Variants in SPAG1 observed in about 807,000 individuals in gnomAD.
The protein encoded by SPAG1 is sperm-associated antigen 1.
In SPAG1, 69 loss-of-function variants were observed where a neutral mutation model predicts 100.5. The observed-to-expected ratio is 0.69, with a 90% CI of 0.57 to 0.84. The LOEUF (loss-of-function observed/expected upper bound fraction) is 0.84, where lower values mean the gene tolerates loss of function less well. SPAG1 is among the 40% of genes least tolerant of loss of function. The probability of loss-of-function intolerance (pLI) is 0.00; values close to 1 mark genes in which losing one functional copy is unlikely to be tolerated. For missense variants in SPAG1, 955 were observed against 1,133.1 expected (o/e 0.84, Z 2.26); for synonymous variants, 336 against 411.6 (o/e 0.82, Z 2.22).
At chr8:100,194,938 G>C (rs928811876) in intron 10 of SPAG1, among the ~76,000 whole-genome samples, 1 of 152,056 alleles carries the variant, frequency 6.6e-6, no homozygotes, top group South Asian at 2.1e-4. Context: ...AGGCCGAGGC[G>C]GGTGCATCAT....
chr8:100,183,078 A>G lies in SPAG1; in HGVS notation c.427-297A>G, dbSNP rs28683691. Among the ~76,000 whole-genome samples the G allele has an allele frequency of 0.033, 5,053 of 152,118 alleles. 284 individuals are homozygous for G. The highest frequency in any genetic ancestry group is 0.12 in the African/African-American group (4,770 of 41,464). On this transcript the variant is annotated intron_variant, in intron 4 of 18. Coordinates refer to ENST00000388798, the MANE Select transcript of SPAG1 (RefSeq NM_003114.5). ...AACCTCCACCTCCCAGGTTCAAGCA[A>G]TTCTCATGCTTCAACCTCCAAGTAC...
intron 11 of SPAG1, 69 bp downstream of exon 11, chr8:100,213,497 C>A: frequency 2.5e-6 from 3 of 1,223,666 alleles, no homozygotes; most frequent in South Asian, 2.1e-5. Context: ...CCGGGGCCCC[C>A]GTGGGAGAGG....
At chr8:100,171,143 T>C (rs1159338643) in intron 3 of SPAG1, among the ~76,000 whole-genome samples, 4 of 152,188 alleles carry the variant, frequency 2.6e-5, no homozygotes, top group Non-Finnish European at 5.9e-5. Flanking sequence ...AGGTAAATTA[T>C]GTAGATTGTT....
chr8:100,194,436 G>A (rs1239227888), intron 10 of SPAG1, 168 bp downstream of exon 10: 16 of 924,002 alleles, frequency 1.7e-5, no homozygotes, highest in Non-Finnish European at 2.6e-5. Flanking sequence ...CAGCTTGGTA[G>A]AATCTCTCAA....
At chr8:100,230,983 T>C (rs969584771) in intron 14 of SPAG1, among the ~76,000 whole-genome samples, 173 bp from the exon 15 acceptor site, 20 of 152,176 alleles carry the variant, frequency 1.3e-4, no homozygotes, top group African/African-American at 4.6e-4. Flanking sequence ...TTTTTACTTA[T>C]AGCCTATTTG....
chr8:100,183,489 A>G, intron 5 of SPAG1, 53 bp downstream of exon 5: 1 of 793,340 alleles, frequency 1.3e-6, no homozygotes, highest in Non-Finnish European at 2.1e-6. Flanking sequence ...GTTATCTACC[A>G]CAAAATACTG....
At chr8:100,222,297 T>G (rs1262580002) in intron 13 of SPAG1, among the ~76,000 whole-genome samples, 1 of 152,156 alleles carries the variant, frequency 6.6e-6, no homozygotes, top group Admixed American at 6.5e-5. Context: ...TTACCCAGCT[T>G]CTATATTGTT....
chr8:100,213,746 C>A, intron 11 of SPAG1, 73 bp from the exon 12 acceptor site: 1 of 956,838 alleles, frequency 1.0e-6, no homozygotes, highest in Non-Finnish European at 1.7e-6. Flanking sequence ...GAGACCTCGG[C>A]CGTCTTGTAA....
rs748311204 is a variant in SPAG1, at chr8:100,165,950, G to GA, written c.283dup (p.Ile95AsnfsTer2). The GA allele has an allele frequency of 3.1e-6, 5 of 1,612,720 alleles. No individual in the cohort carries two copies. The highest frequency in any genetic ancestry group is 4.2e-6 in the Non-Finnish European group (5 of 1,179,592). ...AGCCAGTTTTACAGCTGAAGAATGG[G>GA]AAAAAATTGATGGTGATATAAAGGT... On this transcript the variant is annotated frameshift_variant, in exon 3 of 19. Transcript: ENST00000388798. LOFTEE classifies it high-confidence loss of function.
chr8:100,162,622 T>A (rs1487515199), intron 2 of SPAG1, among the ~76,000 whole-genome samples: 1 of 152,180 alleles, frequency 6.6e-6, no homozygotes, highest in South Asian at 2.1e-4. Context: ...CTAATTAATA[T>A]CCAGGAGGGT....
rs755088480 is a variant in SPAG1 at position 100,184,673 on chromosome 8, A to G, written c.641A>G (p.Glu214Gly). ...EKDFLATREK[E>G]KGNEAFNSGD... is the part of the protein sequence containing the mutation. ...GATTTTCTTGCCACTCGTGAAAAGG[A>G]GAAAGGAAATGAAGCTTTCAACTCA... The change falls in exon 7 of 19, where the codon GAG becomes GGG. Residue 214 changes from glutamate to glycine, a missense_variant. Coordinates refer to ENST00000388798, the MANE Select transcript of SPAG1 (RefSeq NM_003114.5). 2 of 1,585,752 alleles carry G rather than the reference A, an allele frequency of 1.3e-6. No homozygotes were observed. The highest frequency in any genetic ancestry group is 2.3e-5 in the South Asian group (2 of 85,580).
Position 100,240,987 on chromosome 8 carries a change from G to T in SPAG1, c.2746G>T (p.Asp916Tyr). 1 of 1,612,566 alleles carries T rather than the reference G, an allele frequency of 6.2e-7. No individual in the cohort carries two copies. The highest frequency in any genetic ancestry group is 1.1e-5 in the South Asian group (1 of 90,912). Residue 916 changes from aspartate to tyrosine, a missense_variant, in exon 19 of 19, where the codon GAT (aspartate) becomes TAT (tyrosine). By Grantham distance (160) the Asp-to-Tyr change is radical (BLOSUM62 -3). Transcript: ENST00000388798. Reference protein sequence around the residue: ...DTPNNHFTLEDIQALKRQYEL With the variant: ...DTPNNHFTLEYIQALKRQYEL ...ACCAAACAACCATTTTACTTTAGAA[G>T]ATATACAGGCCCTAAAAAGGCAGTA... is the stretch of plus-strand genomic sequence containing the variant.
chr8:100,169,711 C>T (rs1258266831), intron 3 of SPAG1, among the ~76,000 whole-genome samples: 8 of 152,148 alleles, frequency 5.3e-5, no homozygotes, highest in Admixed American at 5.2e-4. Context: ...GAACTCCAGT[C>T]TGGATGACAG....
intron 17 of SPAG1, 121 bp from the exon 18 acceptor site, chr8:100,240,282 T>G: frequency 1.2e-6 from 1 of 845,186 alleles, no homozygotes; most frequent in Non-Finnish European, 1.7e-6. Context: ...AGTTTTCACT[T>G]GGAACTGGAC....
At chr8:100,173,453 C>G (rs769344699) in intron 3 of SPAG1, among the ~76,000 whole-genome samples, 4 of 152,040 alleles carry the variant, frequency 2.6e-5, no homozygotes, top group Non-Finnish European at 5.9e-5. Context: ...TTCCACCCTC[C>G]CTGCCTTCTA....
chr8:100,240,323 C>T, intron 17 of SPAG1, 80 bp from the exon 18 acceptor site: 1 of 1,368,212 alleles, frequency 7.3e-7, no homozygotes, highest in Non-Finnish European at 9.9e-7. Flanking sequence ...GTTTTCAATT[C>T]TCATTCTGAC....
chr8:100,188,101 T>C (rs1816662665), intron 8 of SPAG1, among the ~76,000 whole-genome samples: 1 of 152,030 alleles, frequency 6.6e-6, no homozygotes, highest in African/African-American at 2.4e-5. Flanking sequence ...GTGATCCACC[T>C]GCTTCAGCCT....
At chr8:100,164,685 A>G (rs1393771624) in intron 2 of SPAG1, among the ~76,000 whole-genome samples, 6 of 152,216 alleles carry the variant, frequency 3.9e-5, no homozygotes, top group Non-Finnish European at 8.8e-5. Flanking sequence ...TTGGCCTCCC[A>G]AAGTGCTGGG....
intron 4 of SPAG1, among the ~76,000 whole-genome samples, chr8:100,182,052 G>GAT (rs1212020821): frequency 1.3e-5 from 2 of 152,104 alleles, no homozygotes; most frequent in Non-Finnish European, 2.9e-5. Context: ...TGAGAATGAA[G>GAT]ATATGTAATA....
Sources: allele counts gnomAD v4.1 joint callset (sites outside exome capture counted in the v4.1 genomes callset), GRCh38; gene constraint gnomAD v4.1.1; transcripts MANE v1.5; gene names NCBI Gene and HGNC (gene_info 2026-07-23, HGNC 2026-07-21).